The following RFX4 variants were observed in gnomAD, a reference collection of about 807,000 sequenced individuals.
The protein encoded by RFX4 is regulatory factor X4, also known as transcription factor RFX4.
A neutral mutation model predicts 95.0 loss-of-function variants in RFX4; 10 were observed. That is an observed-to-expected ratio of 0.11 (90% CI 0.06 to 0.18). The LOEUF is 0.18. RFX4 is among the 10% of genes least tolerant of loss of function. The pLI is 1.00. For synonymous variants in RFX4, 321 were observed against 340.7 expected (o/e 0.94, Z 0.64); for missense variants, 640 against 922.0 (o/e 0.69, Z 3.96).
At chr12:106,626,096 A>T (rs1418417969) in intron 2 of RFX4, among the ~76,000 whole-genome samples, 3 of 152,200 alleles carry the variant, frequency 2.0e-5, no homozygotes, top group African/African-American at 7.2e-5. Flanking sequence ...AAATGATATG[A>T]GTTGTACTTA....
At position 106,733,063 on chromosome 12, in the gene RFX4, G is replaced by C. The variant is rs918284528; in HGVS notation, c.1611G>C (p.Glu537Asp). Reference sequence around the variant, plus strand: ...CCCCTGTTAGCAATCCTTCCCCTGAGTACACTGGCCTCAGCACTACAGGTA... The same window carrying C: ...CCCCTGTTAGCAATCCTTCCCCTGACTACACTGGCCTCAGCACTACAGGTA... The part of the protein sequence containing the change: ...PSSPVSNPSP[E>D]YTGLSTTGAM... The change falls in exon 15 of 18, where the codon GAG becomes GAC. Residue 537 changes from glutamate to aspartate, a missense_variant. By Grantham distance (45) the Glu-to-Asp change is conservative. This residue lies in a region of RFX4 where 300 missense variants were observed against 346.8 expected (regional missense o/e 0.87). Coordinates refer to ENST00000392842, the MANE Select transcript of RFX4 (RefSeq NM_213594.3). The C allele has an allele frequency of 6.2e-7, 1 of 1,614,128 alleles. No homozygotes were observed.
At chr12:106,633,708 T>G (rs566674867) in intron 2 of RFX4, among the ~76,000 whole-genome samples, 2 of 152,216 alleles carry the variant, frequency 1.3e-5, no homozygotes, top group Non-Finnish European at 2.9e-5. Context: ...GTTATTTTTA[T>G]TCACTGATAC....
At chr12:106,705,433 G>A (rs1271667881) in intron 8 of RFX4, among the ~76,000 whole-genome samples, 11 of 152,230 alleles carry the variant, frequency 7.2e-5, no homozygotes. Context: ...GCCTAGGGAA[G>A]GAAAGAGGTG....
chr12:106,660,854 TTG>T (rs1190336595), intron 4 of RFX4, among the ~76,000 whole-genome samples: 2 of 152,180 alleles, frequency 1.3e-5, no homozygotes, highest in East Asian at 3.9e-4. Flanking sequence ...GGGATCTAGG[TTG>T]TGTTTTCCTT....
At chr12:106,761,034 T>C (rs2043200132) in intron 17 of RFX4, among the ~76,000 whole-genome samples, 163 bp from the exon 18 acceptor site, 1 of 151,804 alleles carries the variant, frequency 6.6e-6, no homozygotes, top group South Asian at 2.1e-4. Context: ...TTGACTTCCC[T>C]AAGACCAATA....
At chr12:106,741,159 A>C (rs545308009) in intron 15 of RFX4, among the ~76,000 whole-genome samples, 4 of 152,244 alleles carry the variant, frequency 2.6e-5, no homozygotes, top group African/African-American at 9.6e-5. Context: ...TTCTAGCTTC[A>C]ATAGGAGGTC....
At chr12:106,696,519 T>C (rs1295201140) in intron 8 of RFX4, 73 bp downstream of exon 8, 1 of 1,562,834 alleles carries the variant, frequency 6.4e-7, no homozygotes, top group Non-Finnish European at 8.8e-7. Context: ...CTTGTACTGA[T>C]TATAATCATG....
At chr12:106,601,457 T>A in intron 1 of RFX4, 1 of 1,158,662 alleles carries the variant, frequency 8.6e-7, no homozygotes, top group Non-Finnish European at 1.2e-6. Context: ...AACTCTTTTA[T>A]GTAGCGTTTC....
chr12:106,656,426 G>C (rs1358925697), intron 4 of RFX4, among the ~76,000 whole-genome samples: 1 of 152,168 alleles, frequency 6.6e-6, no homozygotes, highest in Non-Finnish European at 1.5e-5. Context: ...AGGAAACTCA[G>C]TACCCACTTT....
At chr12:106,739,903 C>A (rs887811516) in intron 15 of RFX4, among the ~76,000 whole-genome samples, 5 of 152,180 alleles carry the variant, frequency 3.3e-5, no homozygotes, top group African/African-American at 1.2e-4. Flanking sequence ...GCATGGCAGG[C>A]AGTGCCAAAC....
chr12:106,662,111 G>A lies in RFX4; in HGVS notation c.315+7760G>A, dbSNP rs115142566. 4.1e-3 allele frequency: 1,297 copies of A among 318,938 alleles called. 15 individuals carry two copies. Among genetic ancestry groups the A allele is most frequent in the African/African-American group, 0.027 (1,225 of 46,132 alleles). 19.8% of individuals were successfully genotyped at this position (318,938 alleles called of 1,614,324 possible). A position where few individuals can be genotyped will look rare whatever the true frequency, so the allele number is the denominator to read the frequency against. On this transcript the variant is annotated intron_variant, in intron 4 of 17. Transcript: ENST00000392842. ...GCAATTGCTAGATTGTATGGTAAGA[G>A]TTTATTTAGTTTTGTAATAAACTGC...
In RFX4 at chr12:106,762,265, GAGA is replaced by G. The variant is rs1401802293; in HGVS notation, c.*798_*800del. 1 of 152,486 alleles carries G rather than the reference GAGA, an allele frequency of 6.6e-6. No homozygotes were observed. The highest frequency in any genetic ancestry group is 6.6e-5 in the Admixed American group (1 of 15,262). 9.4% of individuals were successfully genotyped at this position (152,486 alleles called of 1,614,324 possible). ...TTTTTGTTTTTTTTTTAAGTTCTAT[GAGA>G]ATGTGGATTTATGGCATTGAGTATC... On this transcript the variant is annotated 3_prime_UTR_variant, in exon 18 of 18. Transcript: ENST00000392842.
rs141365182 is a variant in RFX4 at position 106,593,461 on chromosome 12, G to C, written c.43+10098G>C. Among the ~76,000 whole-genome samples the C allele has an allele frequency of 1.3e-4, 20 of 152,334 alleles. No individual in the cohort carries two copies. The East Asian group carries it at 3.9e-3, about 29-fold the overall frequency. On this transcript the variant is annotated intron_variant, in intron 1 of 17. Coordinates refer to ENST00000392842, the MANE Select transcript of RFX4 (RefSeq NM_213594.3). ...GAAAATACAGTATCAGTCAATGGAA[G>C]CAAACTAGTCTTTGAACTAGATTTT... is the stretch of plus-strand genomic sequence containing the variant.
At chr12:106,717,774 G>A (rs551266011) in intron 11 of RFX4, among the ~76,000 whole-genome samples, 23 of 152,354 alleles carry the variant, frequency 1.5e-4, no homozygotes, top group Admixed American at 5.9e-4. Flanking sequence ...TGTGAAGGGG[G>A]AATTGAGAGA....
At chr12:106,680,178 C>A (rs1565976377) in intron 4 of RFX4, among the ~76,000 whole-genome samples, 1 of 152,148 alleles carries the variant, frequency 6.6e-6, no homozygotes, top group Non-Finnish European at 1.5e-5. Flanking sequence ...TCTAAACATT[C>A]TTGTGAGGTG....
At chr12:106,592,206 G>GA (rs10710882) in intron 1 of RFX4, among the ~76,000 whole-genome samples, 4,451 of 150,910 alleles carry the variant, frequency 0.029, 244 homozygotes, top group African/African-American at 0.1. Context: ...TAAGAATACT[G>GA]AAAAAAAAAA....
Position 106,715,392 on chromosome 12 carries a change from G to T in RFX4, c.994-8G>T, listed in dbSNP as rs1201250898. On this transcript the variant is annotated splice_region_variant and splice_polypyrimidine_tract_variant and intron_variant, in intron 10 of 17. Coordinates refer to ENST00000392842, the MANE Select transcript of RFX4 (RefSeq NM_213594.3). ...ATGAGCTAACGAGTTGATTGGATTG[G>T]ATTATAGGCATCTCGAACAGTGATC... 19 of 1,613,672 alleles carry T rather than the reference G, an allele frequency of 1.2e-5. No individual in the cohort carries two copies. Among genetic ancestry groups the T allele is most frequent in the Non-Finnish European group, 1.6e-5 (19 of 1,179,782 alleles).
chr12:106,586,874 G>C lies in RFX4; in HGVS notation c.43+3511G>C, dbSNP rs1263409775. Among the ~76,000 whole-genome samples, 1 of 152,238 alleles carries C rather than the reference G, an allele frequency of 6.6e-6. No homozygotes were observed. Among genetic ancestry groups the C allele is most frequent in the Non-Finnish European group, 1.5e-5 (1 of 68,042 alleles). On this transcript the variant is annotated intron_variant, in intron 1 of 17. Coordinates refer to ENST00000392842, the MANE Select transcript of RFX4 (RefSeq NM_213594.3). This position sits in a 1 kb window ranked among gnomAD's most constrained non-coding sequence, Gnocchi z 5.6. ...CCATTCTTGCCCAGGCACAGCCCTG[G>C]GGAAGGAGCCACTGTCTGCGGGCTT...
In RFX4 at chr12:106,687,018, G is replaced by C. The variant is rs778949159; in HGVS notation, c.512G>C (p.Arg171Pro). The change falls in exon 6 of 18, where the codon CGG becomes CCG. Residue 171 changes from arginine to proline, a missense_variant. By Grantham distance (103) the Arg-to-Pro change is moderately radical. Coordinates refer to ENST00000392842, the MANE Select transcript of RFX4 (RefSeq NM_213594.3). ...VSKQTVAYSP[R>P]SKLGTLLPEF... ...AAACAGACAGTGGCATATTCACCCC[G>C]GTCCAAACTCGGAACACTGCTGCCA... 6.2e-7 allele frequency: 1 copy of C among 1,613,890 alleles called. No individual in the cohort carries two copies. The highest frequency in any genetic ancestry group is 8.5e-7 in the Non-Finnish European group (1 of 1,179,962).
Sources: allele counts gnomAD v4.1 joint callset (sites outside exome capture counted in the v4.1 genomes callset), GRCh38; gene constraint gnomAD v4.1.1; regional missense constraint gnomAD v4.1.1; non-coding constraint Gnocchi (gnomAD v3.1); transcripts MANE v1.5; gene names NCBI Gene and HGNC (gene_info 2026-07-23, HGNC 2026-07-21).